The following GATAD2A variants were observed in gnomAD, a reference collection of about 807,000 sequenced individuals.
The protein encoded by GATAD2A is GATA zinc finger domain containing 2A, also known as transcriptional repressor p66-alpha.
In GATAD2A, 12 loss-of-function variants were observed where a neutral mutation model predicts 68.5. The ratio of observed to expected loss-of-function variants is 0.18; its 90% CI spans 0.11 to 0.28. The LOEUF (loss-of-function observed/expected upper bound fraction) is 0.28, where lower values mean the gene tolerates loss of function less well. Ranked by LOEUF, GATAD2A falls within the 10% of genes least tolerant of loss-of-function variation. The pLI, the probability that GATAD2A is intolerant of heterozygous loss-of-function variation, is 1.00. For synonymous variants in GATAD2A, 410 were observed against 375.3 expected (o/e 1.09, Z -1.07); for missense variants, 755 against 868.5 (o/e 0.87, Z 1.64).
intron 1 of GATAD2A, among the ~76,000 whole-genome samples, chr19:19,407,879 C>T (rs2050457326): frequency 6.6e-6 from 1 of 152,182 alleles, no homozygotes; most frequent in Admixed American, 6.5e-5. Flanking sequence ...TCACTTATTC[C>T]CTCCCCTCCT....
In GATAD2A at chr19:19,501,287, G is replaced by A; in HGVS notation, c.1374G>A (p.Arg458=). The A allele has an allele frequency of 6.2e-7, 1 of 1,613,344 alleles. No individual in the cohort carries two copies. ...KKALKVEHTS[R]LKAAFVKALQ... ...CGCTCAAGGTGGAGCACACCAGCCG[G>A]CTGAAGGCCGCCTTTGTGAAGGCGC... The change falls in exon 9 of 12, where the codon CGG becomes CGA. Residue 458 remains arginine (R), a synonymous_variant. Coordinates refer to ENST00000683918, the MANE Select transcript of GATAD2A (RefSeq NM_001384528.1).
chr19:19,454,103 T>G (rs1312957064), intron 1 of GATAD2A, among the ~76,000 whole-genome samples: 1 of 152,046 alleles, frequency 6.6e-6, no homozygotes, highest in African/African-American at 2.4e-5. Context: ...GTTCAAGCAG[T>G]TCTCCTGCCT....
At chr19:19,467,787 A>G (rs1276380999) in intron 2 of GATAD2A, among the ~76,000 whole-genome samples, 5 of 152,228 alleles carry the variant, frequency 3.3e-5, no homozygotes, top group African/African-American at 9.6e-5. Flanking sequence ...AATTGGAATC[A>G]TCAAGAAATA....
chr19:19,447,763 AG>A (rs1468504521), intron 1 of GATAD2A, among the ~76,000 whole-genome samples: 6 of 152,230 alleles, frequency 3.9e-5, no homozygotes, highest in Non-Finnish European at 7.4e-5. Context: ...GCGCCTGGGC[AG>A]GGCCTCCAGC....
chr19:19,489,036 CA>C (rs2059618650), intron 2 of GATAD2A, among the ~76,000 whole-genome samples: 1 of 152,330 alleles, frequency 6.6e-6, no homozygotes, highest in Admixed American at 6.5e-5. Context: ...ATAATGCCTG[CA>C]ATCATTTTGA....
intron 1 of GATAD2A, among the ~76,000 whole-genome samples, chr19:19,436,960 G>A (rs1417206277): frequency 1.3e-5 from 2 of 152,204 alleles, no homozygotes; most frequent in African/African-American, 4.8e-5. Flanking sequence ...CGCAGTGTGA[G>A]ATGTGGCTGC....
chr19:19,477,526 T>TG (rs2058754997), intron 2 of GATAD2A, among the ~76,000 whole-genome samples: 1 of 152,050 alleles, frequency 6.6e-6, no homozygotes, highest in Admixed American at 6.5e-5. Context: ...GGGCACTCTC[T>TG]GGGGGACTGC....
intron 4 of GATAD2A, among the ~76,000 whole-genome samples, chr19:19,493,338 G>A (rs763666986): frequency 4.6e-5 from 7 of 152,314 alleles, no homozygotes; most frequent in Non-Finnish European, 8.8e-5. Flanking sequence ...CAGAAAGGCC[G>A]CCTGCACTGT....
At chr19:19,420,981 G>A (rs1213710869) in intron 1 of GATAD2A, among the ~76,000 whole-genome samples, 1 of 152,196 alleles carries the variant, frequency 6.6e-6, no homozygotes, top group African/African-American at 2.4e-5. Context: ...TTCTCTTGGT[G>A]TCCCCAAAGT....
chr19:19,450,616 C>T (rs560183469), intron 1 of GATAD2A, among the ~76,000 whole-genome samples: 2 of 151,650 alleles, frequency 1.3e-5, no homozygotes, highest in Admixed American at 6.6e-5. Context: ...GGCTAGGGGG[C>T]GGTCAGGATC....
chr19:19,412,106 T>A (rs1256957109), intron 1 of GATAD2A, among the ~76,000 whole-genome samples: 2 of 151,808 alleles, frequency 1.3e-5, no homozygotes, highest in African/African-American at 4.8e-5. Context: ...TTTGGTGGGC[T>A]GTCTCAGGCC....
At chr19:19,482,126 C>T (rs1431964672) in intron 2 of GATAD2A, among the ~76,000 whole-genome samples, 1 of 151,158 alleles carries the variant, frequency 6.6e-6, no homozygotes, top group African/African-American at 2.4e-5. Flanking sequence ...AAAATATGAC[C>T]GAGCGCGGTG....
Position 19,436,061 on chromosome 19 carries a change from T to C in GATAD2A, c.-6-29279T>C, listed in dbSNP as rs968142570. 4.4e-5 allele frequency: 35 copies of C among 789,700 alleles called. No homozygotes were observed. In the Admixed American group the frequency reaches 7.7e-4, roughly 17 times the overall value. The allele number at this position is 789,700 out of a possible 1,614,324, so 48.9% of individuals were successfully genotyped here. The stretch of plus-strand genomic sequence containing the variant: ...GTAATTCCAGGGGTTAGAGACATTT[T>C]AGAAATGCCAGTATGTTCCAGAAAC... On this transcript the variant is annotated intron_variant, in intron 1 of 11. Transcript: ENST00000683918.
At chr19:19,483,412 T>G (rs1220020266) in intron 2 of GATAD2A, among the ~76,000 whole-genome samples, 3 of 152,204 alleles carry the variant, frequency 2.0e-5, no homozygotes, top group African/African-American at 7.2e-5. Flanking sequence ...TCTGTCTTCC[T>G]GGGCCCCACA....
chr19:19,436,143 A>G, intron 1 of GATAD2A: 1 of 1,365,514 alleles, frequency 7.3e-7, no homozygotes, highest in South Asian at 1.1e-5. Context: ...TGGTCAGCAC[A>G]TTGTCTCAAG....
intron 1 of GATAD2A, among the ~76,000 whole-genome samples, chr19:19,415,454 C>CTT (rs770091753): frequency 1.4e-5 from 2 of 138,602 alleles, no homozygotes; most frequent in African/African-American, 2.7e-5. Flanking sequence ...CACGCCCAGC[C>CTT]TTTTTTTTTT....
chr19:19,393,757 G>A (rs1020627710), intron 1 of GATAD2A, among the ~76,000 whole-genome samples: 1 of 152,108 alleles, frequency 6.6e-6, no homozygotes, highest in African/African-American at 2.4e-5. Flanking sequence ...TCTCTAAAAG[G>A]AGACAGAAAT....
In GATAD2A at chr19:19,487,423, C is replaced by T. The variant is rs543713962; in HGVS notation, c.270-4883C>T. ...CTGCAAGGCAGGGGGAGGGAGGGCT[C>T]ATCTTCATAGGGGGGTGGGGTGGGG... is the stretch of plus-strand genomic sequence containing the variant. On this transcript the variant is annotated intron_variant, in intron 2 of 11. Coordinates refer to ENST00000683918, the MANE Select transcript of GATAD2A (RefSeq NM_001384528.1). Among the ~76,000 whole-genome samples the T allele has an allele frequency of 4.1e-5, 6 of 145,500 alleles. No individual in the cohort carries two copies. In the South Asian group the frequency reaches 1.4e-3, roughly 33 times the overall value.
At chr19:19,490,473 T>C (rs1422695393) in intron 2 of GATAD2A, among the ~76,000 whole-genome samples, 1 of 152,108 alleles carries the variant, frequency 6.6e-6, no homozygotes, top group East Asian at 1.9e-4. Flanking sequence ...AATTATCAAC[T>C]AGACCCTGGC....
Sources: allele counts gnomAD v4.1 joint callset (sites outside exome capture counted in the v4.1 genomes callset), GRCh38; gene constraint gnomAD v4.1.1; transcripts MANE v1.5; gene names NCBI Gene and HGNC (gene_info 2026-07-23, HGNC 2026-07-21).